LRRTM4: variants seen among roughly 807,000 people sequenced by gnomAD.
LRRTM4 encodes leucine rich repeat transmembrane neuronal 4, also known as leucine-rich repeat transmembrane neuronal protein 4.
Under a neutral mutation model 47.6 loss-of-function variants are expected in LRRTM4, and 25 were observed. That is an observed-to-expected ratio of 0.53 (90% CI 0.38 to 0.73). LRRTM4 has a LOEUF of 0.73. LRRTM4 is among the 30% of genes least tolerant of loss of function. LRRTM4 has a pLI of 0.00. For synonymous variants in LRRTM4, 311 were observed against 269.5 expected (o/e 1.15, Z -1.51); for missense variants, 638 against 713.4 (o/e 0.89, Z 1.20).
chr2:77,001,864 T>G (rs892340919), intron 3 of LRRTM4, among the ~76,000 whole-genome samples: 2 of 152,130 alleles, frequency 1.3e-5, no homozygotes, highest in African/African-American at 4.8e-5. Context: ...ATCCCTTTCT[T>G]TTCGAGAAAT....
In LRRTM4 at chr2:77,327,211, A is replaced by G. The variant is rs542434384; in HGVS notation, c.1551+191107T>C. Among the ~76,000 whole-genome samples the G allele has an allele frequency of 6.6e-4, 100 of 152,364 alleles. 3 individuals carry two copies. The South Asian group carries it at 0.02, about 30-fold the overall frequency. ...TTGTGGTACTAAAGTATAACTTTGT[A>G]TGAATTCCAATAACTTGTAAGCCTA... On this transcript the variant is annotated intron_variant, in intron 3 of 3. Coordinates refer to ENST00000409884, the MANE Select transcript of LRRTM4 (RefSeq NM_001134745.3).
chr2:77,060,213 T>C (rs1351646802), intron 3 of LRRTM4, among the ~76,000 whole-genome samples: 1 of 152,228 alleles, frequency 6.6e-6, no homozygotes, highest in Non-Finnish European at 1.5e-5. Flanking sequence ...ATAACATATA[T>C]ACTTAGAAAA....
intron 3 of LRRTM4, among the ~76,000 whole-genome samples, chr2:77,036,356 G>A (rs1329004429): frequency 1.3e-5 from 2 of 151,516 alleles, no homozygotes; most frequent in Non-Finnish European, 3.0e-5. Flanking sequence ...CCTAGTTTAG[G>A]GTATTTCTTC....
chr2:76,801,785 A>G (rs1261683466), intron 3 of LRRTM4, among the ~76,000 whole-genome samples: 1 of 152,188 alleles, frequency 6.6e-6, no homozygotes, highest in Non-Finnish European at 1.5e-5. Context: ...CGATCAAATG[A>G]GATTTATGCC....
intron 3 of LRRTM4, among the ~76,000 whole-genome samples, chr2:77,415,751 A>AT (rs1674612767): frequency 6.6e-6 from 1 of 151,976 alleles, no homozygotes; most frequent in Non-Finnish European, 1.5e-5. Context: ...ATTTTGTACT[A>AT]TGGCTGCCTA....
intron 3 of LRRTM4, among the ~76,000 whole-genome samples, chr2:76,929,673 G>A (rs1310154043): frequency 6.6e-6 from 1 of 152,018 alleles, no homozygotes; most frequent in Non-Finnish European, 1.5e-5. Context: ...ATTCCCCAGG[G>A]CTGCAGACTT....
At chr2:77,201,716 G>C (rs1673980213) in intron 3 of LRRTM4, among the ~76,000 whole-genome samples, 1 of 152,044 alleles carries the variant, frequency 6.6e-6, no homozygotes. Flanking sequence ...ACATTCCATA[G>C]CATTTCTGAT....
chr2:77,264,119 T>A (rs1675989660), intron 3 of LRRTM4, among the ~76,000 whole-genome samples: 1 of 152,066 alleles, frequency 6.6e-6, no homozygotes, highest in Non-Finnish European at 1.5e-5. Flanking sequence ...AGTTCACGCA[T>A]CCATAAAAAA....
At chr2:77,132,402 C>T (rs887239651) in intron 3 of LRRTM4, among the ~76,000 whole-genome samples, 1 of 152,020 alleles carries the variant, frequency 6.6e-6, no homozygotes, top group Non-Finnish European at 1.5e-5. Context: ...TATTGATGGA[C>T]ACTTAGGTTG....
At chr2:77,365,220 A>C (rs888703790) in intron 3 of LRRTM4, among the ~76,000 whole-genome samples, 1 of 152,044 alleles carries the variant, frequency 6.6e-6, no homozygotes, top group Non-Finnish European at 1.5e-5. Context: ...TTTACTGAAT[A>C]CTAACGTTCT....
chr2:76,985,435 G>C (rs576025087), intron 3 of LRRTM4, among the ~76,000 whole-genome samples: 2 of 152,052 alleles, frequency 1.3e-5, no homozygotes, highest in South Asian at 4.1e-4. Flanking sequence ...CCACAGAAAA[G>C]GAACAGAGGA....
intron 3 of LRRTM4, among the ~76,000 whole-genome samples, chr2:77,313,403 T>C (rs1322787555): frequency 6.6e-6 from 1 of 151,844 alleles, no homozygotes; most frequent in Non-Finnish European, 1.5e-5. Flanking sequence ...TGTGCCTCCC[T>C]ACGTTTTCCT....
chr2:77,276,684 C>T (rs10209839), intron 3 of LRRTM4, among the ~76,000 whole-genome samples: 94,947 of 112,062 alleles, frequency 0.85, 39,965 homozygotes, highest in African/African-American at 0.95. Flanking sequence ...AATTTGTGTA[C>T]GCATATATAT....
At chr2:77,175,777 C>A (rs1357594835) in intron 3 of LRRTM4, among the ~76,000 whole-genome samples, 2 of 150,826 alleles carry the variant, frequency 1.3e-5, no homozygotes, top group African/African-American at 5.0e-5. Flanking sequence ...GACTTTGTCA[C>A]CCCCACACCC....
chr2:77,255,410 A>G (rs1675738051), intron 3 of LRRTM4, among the ~76,000 whole-genome samples: 1 of 152,016 alleles, frequency 6.6e-6, no homozygotes, highest in South Asian at 2.1e-4. Context: ...CACTATCATT[A>G]AACTACAGGA....
In LRRTM4 at chr2:77,123,495, T is replaced by C. The variant is rs554320241; in HGVS notation, c.1552-374579A>G. 3.6e-4 allele frequency among the ~76,000 whole-genome samples: 55 copies of C among 152,216 alleles called. 1 individual carries two copies. In the South Asian group the frequency reaches 0.011, roughly 30 times the overall value. ...CTGTATTTTTGTGGGACTATGCCTT[T>C]GCAAATAACAGTGATGTTAAGAACC... On this transcript the variant is annotated intron_variant, in intron 3 of 3. Coordinates refer to ENST00000409884, the MANE Select transcript of LRRTM4 (RefSeq NM_001134745.3).
At chr2:76,861,412 C>A (rs1287280434) in intron 3 of LRRTM4, among the ~76,000 whole-genome samples, 2 of 151,964 alleles carry the variant, frequency 1.3e-5, no homozygotes, top group Non-Finnish European at 2.9e-5. Context: ...ATGTCACTTA[C>A]CTCCAAGACG....
At chr2:76,795,002 GAAAAA>G (rs1226935631) in intron 3 of LRRTM4, among the ~76,000 whole-genome samples, 2 of 151,614 alleles carry the variant, frequency 1.3e-5, no homozygotes, top group Non-Finnish European at 3.0e-5. Context: ...AAGCTATAAA[GAAAAA>G]TATTACCAGA....
At chr2:77,391,123 A>G (rs1376772784) in intron 3 of LRRTM4, among the ~76,000 whole-genome samples, 1 of 152,040 alleles carries the variant, frequency 6.6e-6, no homozygotes. Flanking sequence ...TAAAACAGTG[A>G]AACCAAGTAA....
Sources: gnomAD v4.1 joint callset for allele counts (sites outside exome capture counted in the v4.1 genomes callset) on GRCh38, gnomAD v4.1.1 for gene constraint, MANE v1.5 for transcripts, NCBI Gene and HGNC (gene_info 2026-07-23, HGNC 2026-07-21) for gene names.